GPR19: variants seen among roughly 807,000 people sequenced by gnomAD.
The protein encoded by GPR19 is probable G protein-coupled receptor 19.
In GPR19, 14 loss-of-function variants were observed where a neutral mutation model predicts 28.5. That is an observed-to-expected ratio of 0.49 (90% CI 0.32 to 0.77). The LOEUF (loss-of-function observed/expected upper bound fraction) is 0.77, where lower values mean the gene tolerates loss of function less well. Ranked by LOEUF, GPR19 falls within the 30% of genes least tolerant of loss-of-function variation. The pLI, the probability that GPR19 is intolerant of heterozygous loss-of-function variation, is 0.03. For missense variants in GPR19, 409 were observed against 504.1 expected (o/e 0.81, Z 1.81); for synonymous variants, 173 against 184.1 (o/e 0.94, Z 0.49).
chr12:12,690,029 G>A (rs979092067), intron 2 of GPR19, among the ~76,000 whole-genome samples: 2 of 152,208 alleles, frequency 1.3e-5, no homozygotes, highest in African/African-American at 2.4e-5. Flanking sequence ...TGAGAGACCC[G>A]AAGCCAGATG....
upstream of GPR19, among the ~76,000 whole-genome samples, chr12:12,700,118 C>T (rs1396495586): frequency 1.3e-5 from 2 of 151,758 alleles, no homozygotes; most frequent in East Asian, 3.9e-4. Flanking sequence ...TGGCCAAAAG[C>T]TTTCTCCTTG....
the GPR19 span, chr12:12,716,788 G>A: frequency 1.0e-6 from 1 of 985,194 alleles, no homozygotes; most frequent in Non-Finnish European, 1.2e-6. Flanking sequence ...TTAAGGCTGA[G>A]CGAACCATTG....
upstream of GPR19, among the ~76,000 whole-genome samples, chr12:12,699,460 G>A (rs1946303474): frequency 1.2e-5 from 1 of 84,268 alleles, no homozygotes; most frequent in South Asian, 3.7e-4. Context: ...CTTAAGTATT[G>A]GGGGTAATTC....
upstream of GPR19, among the ~76,000 whole-genome samples, chr12:12,700,329 A>C (rs942616129): frequency 4.0e-5 from 6 of 151,698 alleles, no homozygotes; most frequent in Non-Finnish European, 8.8e-5. Flanking sequence ...CTGGAATCAC[A>C]GGCATGCACC....
At chr12:12,688,215 G>A (rs1946122662) in intron 2 of GPR19, among the ~76,000 whole-genome samples, 1 of 152,126 alleles carries the variant, frequency 6.6e-6, no homozygotes, top group Admixed American at 6.6e-5. Context: ...ACCAAATTTA[G>A]CGTTACTAAT....
rs890608634 is a variant in GPR19, at chr12:12,662,043, C to T, written c.406G>A (p.Ala136Thr). The T allele has an allele frequency of 6.2e-7, 1 of 1,614,104 alleles. No individual in the cohort carries two copies. The highest frequency in any genetic ancestry group is 8.5e-7 in the Non-Finnish European group (1 of 1,180,034). ...AAATATCGCACAACCTTGCACGTTG[C>T]ACTACCCAGCGTCCACCTTCCAGTG... ...FTTGRWTLGS[A>T]TCKVVRYFQY... The change falls in exon 4 of 4, where the codon GCA becomes ACA. Residue 136 changes from alanine (A) to threonine (T), a missense_variant. Transcript: ENST00000651487.
At chr12:12,694,007 G>C (rs1417963667) in intron 2 of GPR19, among the ~76,000 whole-genome samples, 1 of 151,836 alleles carries the variant, frequency 6.6e-6, no homozygotes, top group South Asian at 2.1e-4. Context: ...GGCCCTAGAG[G>C]GAACTCTTAA....
the GPR19 span, among the ~76,000 whole-genome samples, chr12:12,707,430 G>T: frequency 6.6e-6 from 1 of 152,186 alleles, no homozygotes; most frequent in Admixed American, 6.5e-5. Flanking sequence ...GGCTATCTTT[G>T]TTCTCTGCTG....
At chr12:12,702,739 A>C in the GPR19 span, among the ~76,000 whole-genome samples, 1 of 152,256 alleles carries the variant, frequency 6.6e-6, no homozygotes. Flanking sequence ...CTGAGAACGC[A>C]GCATTCCTGT....
intron 3 of GPR19, among the ~76,000 whole-genome samples, chr12:12,668,706 T>C (rs1945815869): frequency 6.6e-6 from 1 of 151,944 alleles, no homozygotes; most frequent in Non-Finnish European, 1.5e-5. Context: ...ACATTTTCTG[T>C]AGAATGGGAA....
intron 2 of GPR19, among the ~76,000 whole-genome samples, chr12:12,688,081 G>T (rs1488326841): frequency 6.6e-6 from 1 of 152,212 alleles, no homozygotes; most frequent in Non-Finnish European, 1.5e-5. Context: ...CACAAAAGGT[G>T]TTCAAAGTAT....
upstream of GPR19, among the ~76,000 whole-genome samples, chr12:12,700,833 A>G (rs1292716208): frequency 6.6e-6 from 1 of 152,248 alleles, no homozygotes; most frequent in Non-Finnish European, 1.5e-5. Context: ...AAAATAATGT[A>G]AAAATCTCAA....
the GPR19 span, among the ~76,000 whole-genome samples, chr12:12,702,771 T>G: frequency 1.3e-5 from 2 of 152,226 alleles, no homozygotes; most frequent in Non-Finnish European, 2.9e-5. Flanking sequence ...CATAATGAAC[T>G]TATTAATCCT....
intron 3 of GPR19, among the ~76,000 whole-genome samples, chr12:12,674,377 C>G (rs1945902293): frequency 1.3e-5 from 2 of 151,414 alleles, no homozygotes; most frequent in Admixed American, 6.6e-5. Flanking sequence ...GAGGTTGAGG[C>G]TGCAGTAAGC....
Position 12,662,383 on chromosome 12 carries a change from G to A in GPR19, c.66C>T (p.Pro22=). Residue 22 remains proline, a synonymous_variant, in exon 4 of 4, where the codon CCC becomes CCT. Coordinates refer to ENST00000651487, the MANE Select transcript of GPR19 (RefSeq NM_006143.3). ...TTTCAGTGCAGCTGCGGTTTTGGAG[G>A]GGCACCAGAAGTGTAGGAATAATCA... ...PHLIIPTLLV[P]LQNRSCTETA... 1 of 1,614,102 alleles carries A rather than the reference G, an allele frequency of 6.2e-7. No individual in the cohort carries two copies. The highest frequency in any genetic ancestry group is 8.5e-7 in the Non-Finnish European group (1 of 1,180,006).
At chr12:12,665,737 T>C (rs960284967) in intron 3 of GPR19, among the ~76,000 whole-genome samples, 1 of 134,650 alleles carries the variant, frequency 7.4e-6, no homozygotes, top group South Asian at 2.2e-4. Flanking sequence ...TCCGGGAGGC[T>C]GAGGCAGGAG....
chr12:12,681,397 G>C (rs892408750), intron 3 of GPR19, among the ~76,000 whole-genome samples: 1 of 152,164 alleles, frequency 6.6e-6, no homozygotes, highest in Admixed American at 6.5e-5. Flanking sequence ...TCACCTCTAG[G>C]TTGAAATCAT....
rs780175479 is a variant in GPR19, at chr12:12,661,325, G to A, written c.1124C>T (p.Ser375Leu). The A allele has an allele frequency of 7.4e-6, 12 of 1,613,872 alleles. No individual in the cohort carries two copies. The highest frequency in any genetic ancestry group is 1.6e-4 in the Middle Eastern group (1 of 6,084). The change falls in exon 4 of 4, where the codon TCA (serine) becomes TTA (leucine). Residue 375 changes from serine to leucine, a missense_variant. By Grantham distance (145) the Ser-to-Leu change is moderately radical (BLOSUM62 -2). Coordinates refer to ENST00000651487, the MANE Select transcript of GPR19 (RefSeq NM_006143.3). The surrounding 1 kb of genome is among the most constrained non-coding windows in gnomAD (Gnocchi z 4.2). ...RMAKKNYVGISEIPSMAKTIT... is the reference protein window; with the variant it reads ...RMAKKNYVGILEIPSMAKTIT... ...AGTTTTGGCCATGGAAGGGATTTCT[G>A]AAATGCCAACGTAGTTTTTTTTGGC...
At chr12:12,709,269 T>A in the GPR19 span, among the ~76,000 whole-genome samples, 1 of 152,126 alleles carries the variant, frequency 6.6e-6, no homozygotes, top group African/African-American at 2.4e-5. Context: ...TAGGGAGTAG[T>A]ACCTCATGAG....
Sources: gnomAD v4.1 joint callset for allele counts (sites outside exome capture counted in the v4.1 genomes callset) on GRCh38, gnomAD v4.1.1 for gene constraint, Gnocchi (gnomAD v3.1) non-coding constraint, MANE v1.5 for transcripts, NCBI Gene and HGNC (gene_info 2026-07-23, HGNC 2026-07-21) for gene names.